Variants in NSMCE2 observed in about 807,000 individuals in gnomAD.
NSMCE2 encodes NSE2 SUMO ligase component of SMC5/6 complex, also known as E3 SUMO-protein ligase NSE2.
NSMCE2 carries 24 observed loss-of-function variants against 23.8 expected under a neutral mutation model. The ratio of observed to expected loss-of-function variants is 1.01; its 90% CI spans 0.73 to 1.42. The LOEUF is 1.42. Among genes scored for constraint, NSMCE2 ranks in the 40% most tolerant of loss-of-function variants. The pLI, the probability that NSMCE2 is intolerant of heterozygous loss-of-function variation, is 0.00. For synonymous variants in NSMCE2, 92 were observed against 94.1 expected (o/e 0.98, Z 0.13); for missense variants, 284 against 296.5 (o/e 0.96, Z 0.31).
At chr8:125,216,406 G>A (rs1410064174) in intron 5 of NSMCE2, among the ~76,000 whole-genome samples, 2 of 152,106 alleles carry the variant, frequency 1.3e-5, no homozygotes, top group Non-Finnish European at 2.9e-5. Context: ...TTGGAAGGCC[G>A]AGGCAGGCAG....
chr8:125,145,502 G>A (rs2130646907), intron 3 of NSMCE2, among the ~76,000 whole-genome samples: 1 of 152,198 alleles, frequency 6.6e-6, no homozygotes, highest in East Asian at 1.9e-4. Context: ...ACTTCTCCAT[G>A]TATTTATTGG....
intron 5 of NSMCE2, among the ~76,000 whole-genome samples, chr8:125,245,721 G>T (rs540025833): frequency 1.3e-5 from 2 of 152,070 alleles, no homozygotes; most frequent in Non-Finnish European, 2.9e-5. Context: ...ACTGAAAATT[G>T]AAACAAAATT....
At chr8:125,273,316 CATT>C (rs1350987902) in intron 5 of NSMCE2, among the ~76,000 whole-genome samples, 1 of 152,174 alleles carries the variant, frequency 6.6e-6, no homozygotes, top group Admixed American at 6.5e-5. Context: ...CCTTCCAAAA[CATT>C]ATAGTCATGT....
chr8:125,185,995 C>T (rs1194304437), intron 5 of NSMCE2, among the ~76,000 whole-genome samples: 1 of 152,162 alleles, frequency 6.6e-6, no homozygotes, highest in Admixed American at 6.5e-5. Context: ...CAGAAGTTCT[C>T]ACTTTGACAA....
rs561009045 is a variant in NSMCE2, at chr8:125,220,898, T to C, written c.418+38642T>C. On this transcript the variant is annotated intron_variant, in intron 5 of 7. Coordinates refer to ENST00000287437, the MANE Select transcript of NSMCE2 (RefSeq NM_173685.4). ...AAGTCTTGTGTGTAATATATAGTTCTTTATTCTGTGGTTAAAGAGATTTCT... is the reference window on the plus strand; with the variant it reads ...AAGTCTTGTGTGTAATATATAGTTCCTTATTCTGTGGTTAAAGAGATTTCT... Among the ~76,000 whole-genome samples, 11 of 152,344 alleles carry C rather than the reference T, an allele frequency of 7.2e-5. No homozygotes were observed. In the South Asian group the frequency reaches 2.3e-3, roughly 32 times the overall value.
chr8:125,255,589 G>A (rs976477196), intron 5 of NSMCE2, among the ~76,000 whole-genome samples: 2 of 152,108 alleles, frequency 1.3e-5, no homozygotes, highest in African/African-American at 4.8e-5. Context: ...GTGTGCAGAA[G>A]GAATTATGAG....
intron 5 of NSMCE2, among the ~76,000 whole-genome samples, chr8:125,240,485 T>G (rs540930167): frequency 6.6e-6 from 1 of 152,362 alleles, no homozygotes; most frequent in Non-Finnish European, 1.5e-5. Flanking sequence ...GAAGCCAATC[T>G]TTCACATACT....
chr8:125,339,486 G>A (rs1830165898), intron 5 of NSMCE2, among the ~76,000 whole-genome samples: 1 of 152,064 alleles, frequency 6.6e-6, no homozygotes, highest in African/African-American at 2.4e-5. Context: ...TTACATTTCA[G>A]GAGACATTTA....
chr8:125,219,762 G>T (rs1312461945), intron 5 of NSMCE2, among the ~76,000 whole-genome samples: 3 of 152,090 alleles, frequency 2.0e-5, no homozygotes, highest in South Asian at 4.1e-4. Context: ...TTTTGTTTTA[G>T]ACACTTTGGG....
At chr8:125,176,150 T>G (rs1224239123) in intron 4 of NSMCE2, among the ~76,000 whole-genome samples, 1 of 152,216 alleles carries the variant, frequency 6.6e-6, no homozygotes, top group Non-Finnish European at 1.5e-5. Context: ...TTCTGGGGAT[T>G]TGCGTGTTTC....
chr8:125,143,840 C>T (rs1820513495), intron 3 of NSMCE2, among the ~76,000 whole-genome samples: 2 of 152,148 alleles, frequency 1.3e-5, no homozygotes, highest in African/African-American at 2.4e-5. Flanking sequence ...CACACAGACA[C>T]ACATCCACGT....
chr8:125,126,796 T>C (rs1819538279), intron 3 of NSMCE2, among the ~76,000 whole-genome samples: 1 of 152,226 alleles, frequency 6.6e-6, no homozygotes, highest in African/African-American at 2.4e-5. Flanking sequence ...AGTTAACATC[T>C]AATAAGTATT....
intron 5 of NSMCE2, among the ~76,000 whole-genome samples, chr8:125,341,068 T>A (rs1006979723): frequency 1.3e-5 from 2 of 152,188 alleles, no homozygotes; most frequent in Admixed American, 6.5e-5. Context: ...CTTTAACCAG[T>A]CACCTCTCCA....
At chr8:125,159,339 A>G (rs1821483236) in intron 4 of NSMCE2, among the ~76,000 whole-genome samples, 2 of 152,204 alleles carry the variant, frequency 1.3e-5, no homozygotes, top group South Asian at 4.1e-4. Context: ...CATACATATG[A>G]TGGTGGTGCC....
At chr8:125,179,084 C>T (rs1271904351) in intron 4 of NSMCE2, among the ~76,000 whole-genome samples, 1 of 152,132 alleles carries the variant, frequency 6.6e-6, no homozygotes, top group Non-Finnish European at 1.5e-5. Flanking sequence ...TTTAAGCCAC[C>T]TAATCTGTGG....
At chr8:125,158,821 G>C (rs1472012288) in intron 4 of NSMCE2, among the ~76,000 whole-genome samples, 1 of 152,208 alleles carries the variant, frequency 6.6e-6, no homozygotes, top group South Asian at 2.1e-4. Context: ...GCAGAAGAGA[G>C]ATGGGGAAAT....
rs1170872035 is a variant in NSMCE2, at chr8:125,366,266, C to T, written c.627-502C>T. On this transcript the variant is annotated intron_variant, in intron 7 of 7. Transcript: ENST00000287437. ...TTAGAAAGATAGCTCATAGGCTGGG[C>T]GCGGTGGCTCACGCCGGTAATCCCA... Among the ~76,000 whole-genome samples, 9 of 152,284 alleles carry T rather than the reference C, an allele frequency of 5.9e-5. No individual in the cohort carries two copies. The South Asian group carries it at 6.2e-4, about 11-fold the overall frequency.
At chr8:125,112,594 A>G (rs1326783336) in intron 3 of NSMCE2, among the ~76,000 whole-genome samples, 1 of 152,222 alleles carries the variant, frequency 6.6e-6, no homozygotes. Context: ...TTGCAACAAC[A>G]TGGGTGAATC....
intron 5 of NSMCE2, among the ~76,000 whole-genome samples, chr8:125,315,809 C>G (rs898578657): frequency 1.4e-4 from 16 of 114,092 alleles, no homozygotes; most frequent in Non-Finnish European, 2.6e-4. Flanking sequence ...TTTTTTTTCC[C>G]TCTCTTTTTT....
Sources: allele counts gnomAD v4.1 joint callset (sites outside exome capture counted in the v4.1 genomes callset), GRCh38; gene constraint gnomAD v4.1.1; transcripts MANE v1.5; gene names NCBI Gene and HGNC (gene_info 2026-07-23, HGNC 2026-07-21).